CLCA2: variants seen among roughly 807,000 people sequenced by gnomAD.
CLCA2 encodes calcium-activated chloride channel regulator 2.
In CLCA2, 85 loss-of-function variants were observed where a neutral mutation model predicts 82.9. That is an observed-to-expected ratio of 1.03 (90% CI 0.86 to 1.23). The LOEUF (loss-of-function observed/expected upper bound fraction) is 1.23, where lower values mean the gene tolerates loss of function less well. Ranked by LOEUF, CLCA2 falls within the 50% of genes most tolerant of loss-of-function variation. The probability of loss-of-function intolerance (pLI) is 0.00; values close to 1 mark genes in which losing one functional copy is unlikely to be tolerated. For synonymous variants in CLCA2, 421 were observed against 391.7 expected (o/e 1.07, Z -0.88); for missense variants, 1,089 against 1,124.8 (o/e 0.97, Z 0.45).
intron 3 of CLCA2, 67 bp downstream of exon 3, chr1:86,428,635 G>A: frequency 6.5e-7 from 1 of 1,537,676 alleles, no homozygotes; most frequent in Admixed American, 1.9e-5. Flanking sequence ...GCTTGGTGCT[G>A]AAAGGGACTC....
intron 10 of CLCA2, among the ~76,000 whole-genome samples, chr1:86,447,006 C>A (rs559238438): frequency 6.6e-6 from 1 of 152,192 alleles, no homozygotes; most frequent in African/African-American, 2.4e-5. Context: ...ATTGAGATTT[C>A]TGAGTGTGGA....
chr1:86,449,033 A>G (rs1662912217), intron 11 of CLCA2, among the ~76,000 whole-genome samples: 1 of 152,254 alleles, frequency 6.6e-6, no homozygotes, highest in Non-Finnish European at 1.5e-5. Flanking sequence ...AAATGTATGC[A>G]CTAAAAAAAG....
intron 3 of CLCA2, among the ~76,000 whole-genome samples, chr1:86,429,618 G>C (rs1417143164): frequency 6.6e-6 from 1 of 152,188 alleles, no homozygotes; most frequent in Non-Finnish European, 1.5e-5. Flanking sequence ...TTTAGTGAGT[G>C]AGATCTGAGG....
chr1:86,449,098 C>G (rs1662913907), intron 11 of CLCA2, among the ~76,000 whole-genome samples: 1 of 152,194 alleles, frequency 6.6e-6, no homozygotes, highest in Non-Finnish European at 1.5e-5. Context: ...CCCCTCCAAT[C>G]AATACTTAAC....
Position 86,455,453 on chromosome 1 carries a change from A to T in CLCA2, c.2758A>T (p.Ile920Leu), listed in dbSNP as rs1394749960. The T allele has an allele frequency of 1.3e-6, 2 of 1,576,300 alleles. No individual in the cohort carries two copies. The highest frequency in any genetic ancestry group is 1.7e-6 in the Non-Finnish European group (2 of 1,164,844). The change falls in exon 14 of 14, where the codon ATA becomes TTA. Residue 920 changes from isoleucine (I) to leucine (L), a missense_variant. Ile to Leu is a conservative substitution (Grantham distance 5). Coordinates refer to ENST00000370565, the MANE Select transcript of CLCA2 (RefSeq NM_006536.7). ...TTTGATAGGAATCATTTGCCTTATTATAGTTGTGACACATCATACTTTAAG... is the reference window on the plus strand; with the variant it reads ...TTTGATAGGAATCATTTGCCTTATTTTAGTTGTGACACATCATACTTTAAG... ...MGLIGIICLI[I>L]VVTHHTLSRK...
In CLCA2 at chr1:86,439,020, C is replaced by G; in HGVS notation, c.1117C>G (p.Arg373Gly). 2 of 1,614,090 alleles carry G rather than the reference C, an allele frequency of 1.2e-6. No homozygotes were observed. Among genetic ancestry groups the G allele is most frequent in the Non-Finnish European group, 1.7e-6 (2 of 1,179,992 alleles). Residue 373 changes from arginine (R) to glycine (G), a missense_variant, in exon 7 of 14, where the codon CGA (arginine) becomes GGA (glycine). Physicochemically the swap from Arg to Gly is moderately radical, Grantham distance 125. Coordinates refer to ENST00000370565, the MANE Select transcript of CLCA2 (RefSeq NM_006536.7). ...QLHQINSNDD[R>G]KLLVSYLPTT... ...ACACCAAATTAACAGCAATGATGAT[C>G]GAAAGTTGCTGGTTTCATATCTGCC...
At chr1:86,453,654 A>T in intron 13 of CLCA2, 52 bp downstream of exon 13, 1 of 1,482,948 alleles carries the variant, frequency 6.7e-7, no homozygotes, top group South Asian at 1.1e-5. Flanking sequence ...CATTTCTAAT[A>T]ACTAGGTCAG....
intron 2 of CLCA2, among the ~76,000 whole-genome samples, chr1:86,427,809 T>C (rs1045879481): frequency 5.3e-5 from 8 of 152,170 alleles, no homozygotes; most frequent in African/African-American, 1.9e-4. Context: ...TTAAAATCTG[T>C]TTTAGCAACA....
chr1:86,430,074 C>G (rs1449985625), intron 3 of CLCA2, among the ~76,000 whole-genome samples: 2 of 151,658 alleles, frequency 1.3e-5, no homozygotes, highest in East Asian at 1.9e-4. Flanking sequence ...TCAGCACACA[C>G]TTCCTGAGTT....
At chr1:86,446,862 TC>T (rs1662864577) in intron 10 of CLCA2, among the ~76,000 whole-genome samples, 1 of 152,240 alleles carries the variant, frequency 6.6e-6, no homozygotes, top group Non-Finnish European at 1.5e-5. Flanking sequence ...TGTAGGTTTT[TC>T]CCAGGCAGAT....
rs1359805533 is a variant in CLCA2 at position 86,453,357 on chromosome 1, TTTTTGTCTCAGGTAA to T, written c.2156-10_2160del. ...TTTGTCATTTTGCCTTTTTTTTTCT[TTTTTGTCTCAGGTAA>T]TATTCAGATGAATGCTCCAAGGAAA... is the stretch of plus-strand genomic sequence containing the variant. On this transcript the variant is annotated splice_acceptor_variant and splice_polypyrimidine_tract_variant and coding_sequence_variant and intron_variant, in exon 13 of 14. Coordinates refer to ENST00000370565, the MANE Select transcript of CLCA2 (RefSeq NM_006536.7). LOFTEE classifies it high-confidence loss of function. 1.2e-6 allele frequency: 2 copies of T among 1,602,720 alleles called. No homozygotes were observed. The highest frequency in any genetic ancestry group is 2.7e-5 in the African/African-American group (2 of 74,188).
intron 10 of CLCA2, among the ~76,000 whole-genome samples, chr1:86,445,734 G>A (rs1490145789): frequency 1.3e-5 from 2 of 151,880 alleles, no homozygotes; most frequent in Admixed American, 1.3e-4. Flanking sequence ...AAGATTTTCT[G>A]CATTCATTTG....
At chr1:86,455,020 T>A (rs1663046317) in intron 13 of CLCA2, 65 bp from the exon 14 acceptor site, 1 of 994,442 alleles carries the variant, frequency 1.0e-6, no homozygotes. Context: ...CATTAGTAAT[T>A]TCTAATAAAC....
At chr1:86,433,434 A>G (rs535401097) in intron 5 of CLCA2, among the ~76,000 whole-genome samples, 1 of 152,296 alleles carries the variant, frequency 6.6e-6, no homozygotes, top group South Asian at 2.1e-4. Flanking sequence ...TCAGGACTAG[A>G]AGTTATTTTG....
intron 10 of CLCA2, among the ~76,000 whole-genome samples, chr1:86,444,717 C>A (rs977237135): frequency 6.6e-6 from 1 of 152,058 alleles, no homozygotes; most frequent in Non-Finnish European, 1.5e-5. Context: ...TAAACAGGAG[C>A]TGTATTAGCA....
At chr1:86,425,081 A>C (rs1662361761) in intron 1 of CLCA2, among the ~76,000 whole-genome samples, 1 of 152,210 alleles carries the variant, frequency 6.6e-6, no homozygotes, top group Non-Finnish European at 1.5e-5. Context: ...CAAAAGCTTA[A>C]AAGCCTTTCT....
intron 13 of CLCA2, 60 bp downstream of exon 13, chr1:86,453,662 C>T: frequency 1.4e-6 from 2 of 1,401,264 alleles, no homozygotes; most frequent in Non-Finnish European, 1.0e-6. Flanking sequence ...ATAACTAGGT[C>T]AGGGGCTAGT....
At position 86,432,525 on chromosome 1, in the gene CLCA2, T is replaced by A; in HGVS notation, c.741T>A (p.Ser247=). Reference sequence around the variant, plus strand: ...CAATAATGTTCATGCAAAGTTTATCTTCTGTAAGTATGCCCTTGGAATGAC... The same window carrying A: ...CAATAATGTTCATGCAAAGTTTATCATCTGTAAGTATGCCCTTGGAATGAC... ...TASIMFMQSL[S]SVVEFCNAST... is the part of the protein sequence containing the mutation. The change falls in exon 5 of 14, where the codon TCT becomes TCA. Residue 247 remains serine, a synonymous_variant. Transcript: ENST00000370565. 6.2e-7 allele frequency: 1 copy of A among 1,613,512 alleles called. No homozygotes were observed. Among genetic ancestry groups the A allele is most frequent in the Non-Finnish European group, 8.5e-7 (1 of 1,179,790 alleles).
chr1:86,450,002 C>G (rs1420639944), intron 11 of CLCA2, among the ~76,000 whole-genome samples: 1 of 152,234 alleles, frequency 6.6e-6, no homozygotes, highest in East Asian at 1.9e-4. Flanking sequence ...CATCAAGTCC[C>G]CTAGAATCTA....
Sources: allele counts gnomAD v4.1 joint callset (sites outside exome capture counted in the v4.1 genomes callset), GRCh38; gene constraint gnomAD v4.1.1; transcripts MANE v1.5; gene names NCBI Gene and HGNC (gene_info 2026-07-23, HGNC 2026-07-21).